Variants in NOC3L observed in about 807,000 individuals in gnomAD.
The protein encoded by NOC3L is nucleolar complex protein 3 homolog.
In NOC3L, 85 loss-of-function variants were observed where a neutral mutation model predicts 102.5. The ratio of observed to expected loss-of-function variants is 0.83; its 90% confidence interval spans 0.70 to 0.99. The LOEUF (loss-of-function observed/expected upper bound fraction) is 0.99. NOC3L is among the 50% of genes least tolerant of loss of function. The pLI is 0.00. For missense variants in NOC3L, 878 were observed against 914.9 expected (o/e 0.96, Z 0.52); for synonymous variants, 303 against 309.4 (o/e 0.98, Z 0.22).
the NOC3L span, among the ~76,000 whole-genome samples, chr10:94,323,195 C>G: frequency 6.6e-6 from 1 of 152,188 alleles, no homozygotes; most frequent in Non-Finnish European, 1.5e-5. Flanking sequence ...CTCTCCCCTC[C>G]TCTAAATCAC....
At chr10:94,353,259 T>C (rs2054443934) in intron 6 of NOC3L, among the ~76,000 whole-genome samples, 1 of 152,232 alleles carries the variant, frequency 6.6e-6, no homozygotes, top group East Asian at 1.9e-4. Flanking sequence ...TAGTCCGTTC[T>C]TGTATTGCTA....
In NOC3L at chr10:94,362,932, A is replaced by C. The variant is rs1349813383; in HGVS notation, c.-94T>G. Reference sequence around the variant, plus strand: ...GAATGACACACGTGCCGAAGTCCCTACACTACCAGAGCCGGAAACGGCCTT... The same window carrying C: ...GAATGACACACGTGCCGAAGTCCCTCCACTACCAGAGCCGGAAACGGCCTT... On this transcript the variant is annotated 5_prime_UTR_variant, in exon 1 of 21. Transcript: ENST00000371361. 10 of 1,596,474 alleles carry C rather than the reference A, an allele frequency of 6.3e-6. No individual in the cohort carries two copies. The highest frequency in any genetic ancestry group is 8.6e-6 in the Non-Finnish European group (10 of 1,164,880).
At position 94,350,244 on chromosome 10, in the gene NOC3L, T is replaced by G. The variant is rs200822762; in HGVS notation, c.997A>C (p.Lys333Gln). The change falls in exon 9 of 21, where the codon AAG becomes CAG. Residue 333 changes from lysine (K) to glutamine (Q), a missense_variant. Lys to Gln is a moderately conservative substitution (Grantham distance 53). Transcript: ENST00000371361. Reference sequence around the variant, plus strand: ...ACTTCTGCCAGTCCTTTGTATGCCTTTAAGGAAACTACATTACTTTTCTTC... The same window carrying G: ...ACTTCTGCCAGTCCTTTGTATGCCTGTAAGGAAACTACATTACTTTTCTTC... The part of the protein sequence containing the change: ...KLKKSNVVSL[K>Q]AYKGLAEVAV... 2.5e-6 allele frequency: 4 copies of G among 1,614,210 alleles called. No individual in the cohort carries two copies. Among genetic ancestry groups the G allele is most frequent in the Non-Finnish European group, 3.4e-6 (4 of 1,180,030 alleles).
At chr10:94,324,423 G>C in the NOC3L span, 7 of 1,614,058 alleles carry the variant, frequency 4.3e-6, no homozygotes, top group Non-Finnish European at 5.9e-6. Flanking sequence ...TTTTGGAAGA[G>C]GTGGTGAAAG....
downstream of NOC3L, chr10:94,331,783 G>C (rs1589560629): frequency 1.3e-5 from 2 of 152,002 alleles, no homozygotes; most frequent in South Asian, 2.1e-4. Context: ...GCAATCCTTG[G>C]CTGATGGCTA....
chr10:94,339,621 C>A, intron 17 of NOC3L, 118 bp downstream of exon 17: 3 of 828,742 alleles, frequency 3.6e-6, no homozygotes, highest in Non-Finnish European at 5.4e-6. Context: ...GATTTTGTTA[C>A]AAGTGTGAAT....
chr10:94,340,943 T>C (rs928533243), intron 14 of NOC3L, among the ~76,000 whole-genome samples: 11 of 146,066 alleles, frequency 7.5e-5, no homozygotes, highest in African/African-American at 2.6e-4. Flanking sequence ...ATCACGCCAC[T>C]GCACTCCAGC....
At chr10:94,355,873 T>G (rs541943828) in intron 5 of NOC3L, among the ~76,000 whole-genome samples, 1 of 152,288 alleles carries the variant, frequency 6.6e-6, no homozygotes, top group Admixed American at 6.5e-5. Flanking sequence ...ATGTCCACCT[T>G]AGGAAATTCA....
intron 11 of NOC3L, among the ~76,000 whole-genome samples, chr10:94,345,296 A>G (rs935134577): frequency 1.3e-5 from 2 of 152,020 alleles, no homozygotes; most frequent in African/African-American, 4.8e-5. Flanking sequence ...TTTTCAAAAA[A>G]GAAAAAAAAA....
intron 13 of NOC3L, among the ~76,000 whole-genome samples, chr10:94,344,064 C>T (rs1255941745): frequency 2.0e-5 from 3 of 151,992 alleles, no homozygotes; most frequent in African/African-American, 4.8e-5. Context: ...GATGTACAGC[C>T]GGGTTAAAAT....
In NOC3L at chr10:94,361,698, T is replaced by C; in HGVS notation, c.184A>G (p.Ile62Val). ...TTTTCCTTTGGGTTCTCCAATGGAA[T>C]GGGTTTCTTAGACACAGCATCTTTC... ...AVKDAVSKKP[I>V]PLENPKEKRP... Residue 62 changes from isoleucine (I) to valine (V), a missense_variant, in exon 2 of 21, where the codon ATT becomes GTT. By Grantham distance (29) the Ile-to-Val change is conservative (BLOSUM62 3). Transcript: ENST00000371361. 2 of 1,602,930 alleles carry C rather than the reference T, an allele frequency of 1.2e-6. No individual in the cohort carries two copies. The highest frequency in any genetic ancestry group is 1.7e-6 in the Non-Finnish European group (2 of 1,173,506).
chr10:94,359,974 G>A (rs2054533959), intron 2 of NOC3L, among the ~76,000 whole-genome samples: 1 of 152,092 alleles, frequency 6.6e-6, no homozygotes, highest in Admixed American at 6.5e-5. Context: ...CTATCCACAA[G>A]AGCCAAGATT....
chr10:94,339,642 A>G, intron 17 of NOC3L, 97 bp downstream of exon 17: 1 of 977,684 alleles, frequency 1.0e-6, no homozygotes. Context: ...TACTTCTGTA[A>G]TTGAAATAAT....
intron 13 of NOC3L, among the ~76,000 whole-genome samples, 192 bp from the exon 14 acceptor site, chr10:94,341,937 T>G (rs1278473798): frequency 6.6e-6 from 1 of 152,214 alleles, no homozygotes; most frequent in Admixed American, 6.5e-5. Context: ...CATTGAACAC[T>G]AAACTCAGTA....
intron 6 of NOC3L, among the ~76,000 whole-genome samples, chr10:94,354,667 C>T (rs997623553): frequency 3.9e-5 from 6 of 152,180 alleles, no homozygotes; most frequent in Non-Finnish European, 4.4e-5. Flanking sequence ...CTCCCTAATA[C>T]AATTTTATAA....
At position 94,340,328 on chromosome 10, in the gene NOC3L, A is replaced by T; in HGVS notation, c.1728T>A (p.Asp576Glu). Reference sequence around the variant, plus strand: ...AGAGATGTGTGTAGAATTTCAATGGATCAATATTCAGAACATCACCTTTGA... The same window carrying T: ...AGAGATGTGTGTAGAATTTCAATGGTTCAATATTCAGAACATCACCTTTGA... ...LSGQGDVLNIDPLKFYTHLYK... is the reference protein window; with the variant it reads ...LSGQGDVLNIEPLKFYTHLYK... Residue 576 changes from aspartate (D) to glutamate (E), a missense_variant, in exon 16 of 21, where the codon GAT becomes GAA. By Grantham distance (45) the Asp-to-Glu change is conservative (BLOSUM62 2). Coordinates refer to ENST00000371361, the MANE Select transcript of NOC3L (RefSeq NM_022451.11). 6.2e-7 allele frequency: 1 copy of T among 1,613,270 alleles called. No individual in the cohort carries two copies. Among genetic ancestry groups the T allele is most frequent in the Non-Finnish European group, 8.5e-7 (1 of 1,179,680 alleles).
At chr10:94,325,388 C>CAGG in the NOC3L span, 6 of 352,026 alleles carry the variant, frequency 1.7e-5, no homozygotes, top group South Asian at 7.1e-5. Context: ...CACCTGAGGT[C>CAGG]AGTTCAAGAC....
At chr10:94,362,648 A>C (rs1172062224) in intron 1 of NOC3L, among the ~76,000 whole-genome samples, 182 bp downstream of exon 1, 3 of 152,192 alleles carry the variant, frequency 2.0e-5, no homozygotes, top group Admixed American at 6.5e-5. Flanking sequence ...TGATACTCTG[A>C]AGTGGTGCGC....
chr10:94,352,017 T>G (rs2054425248), intron 8 of NOC3L, among the ~76,000 whole-genome samples: 1 of 152,222 alleles, frequency 6.6e-6, no homozygotes, highest in Non-Finnish European at 1.5e-5. Flanking sequence ...AGGCACTGTT[T>G]AAAGCACCTC....
Sources: allele counts gnomAD v4.1 joint callset (sites outside exome capture counted in the v4.1 genomes callset), GRCh38; gene constraint gnomAD v4.1.1; transcripts MANE v1.5; gene names NCBI Gene and HGNC (gene_info 2026-07-23, HGNC 2026-07-21).